The following ATF7IP2 variants were observed in gnomAD, a reference collection of about 807,000 sequenced individuals.
The protein encoded by ATF7IP2 is activating transcription factor 7 interacting protein 2.
Under a neutral mutation model 64.2 loss-of-function variants are expected in ATF7IP2, and 42 were observed. The ratio of observed to expected loss-of-function variants is 0.65; its 90% CI spans 0.51 to 0.85. The LOEUF (loss-of-function observed/expected upper bound fraction) is 0.85, where lower values mean the gene tolerates loss of function less well. ATF7IP2 is among the 40% of genes least tolerant of loss of function. ATF7IP2 has a pLI of 0.00. For synonymous variants in ATF7IP2, 308 were observed against 272.8 expected (o/e 1.13, Z -1.27); for missense variants, 933 against 784.2 (o/e 1.19, Z -2.27).
chr16:10,410,352 GTTTTGT>G (rs529353000), intron 1 of ATF7IP2, among the ~76,000 whole-genome samples: 3 of 129,876 alleles, frequency 2.3e-5, no homozygotes, highest in Non-Finnish European at 5.0e-5. Context: ...GTTTTGTTTT[GTTTTGT>G]TTTTGTTTTT....
At chr16:10,442,408 A>T (rs774193455) in intron 8 of ATF7IP2, among the ~76,000 whole-genome samples, 1 of 152,198 alleles carries the variant, frequency 6.6e-6, no homozygotes, top group Non-Finnish European at 1.5e-5. Flanking sequence ...AAATGAGGAA[A>T]GTTTTAGTAG....
chr16:10,437,022 ATT>A (rs71402484), intron 6 of ATF7IP2, among the ~76,000 whole-genome samples: 6 of 141,036 alleles, frequency 4.3e-5, no homozygotes, highest in Non-Finnish European at 7.8e-5. Flanking sequence ...TATTTTTCCC[ATT>A]TTTTTTTTTT....
chr16:10,419,237 G>A (rs1434992948), intron 2 of ATF7IP2, among the ~76,000 whole-genome samples: 1 of 152,200 alleles, frequency 6.6e-6, no homozygotes, highest in African/African-American at 2.4e-5. Flanking sequence ...TGCCAGCCAA[G>A]ATTGATAGTG....
At chr16:10,406,623 C>T (rs977918708) in intron 1 of ATF7IP2, among the ~76,000 whole-genome samples, 7 of 152,088 alleles carry the variant, frequency 4.6e-5, no homozygotes, top group African/African-American at 1.7e-4. Context: ...TTTGTGGCTA[C>T]TATGAGCAAC....
In ATF7IP2 at chr16:10,432,959, T is replaced by G. The variant is rs536878036; in HGVS notation, c.836-566T>G. On this transcript the variant is annotated intron_variant, in intron 5 of 13. Transcript: ENST00000562102. ...TAAATAGAGAATTAAATGCCATAAT[T>G]TGTTAAGTTTTTGTTCGTATATGTG... 3.9e-5 allele frequency among the ~76,000 whole-genome samples: 6 copies of G among 152,156 alleles called. No homozygotes were observed. The East Asian group carries it at 1.2e-3, about 29-fold the overall frequency.
At chr16:10,438,313 T>TGATCCC in intron 7 of ATF7IP2, 78 bp downstream of exon 7, 1 of 1,402,648 alleles carries the variant, frequency 7.1e-7, no homozygotes, top group Non-Finnish European at 9.5e-7. Context: ...TGCAGTACGG[T>TGATCCC]GGCTCACTGC....
At chr16:10,478,824 T>G (rs987248091) in intron 12 of ATF7IP2, among the ~76,000 whole-genome samples, 1 of 151,808 alleles carries the variant, frequency 6.6e-6, no homozygotes, top group Non-Finnish European at 1.5e-5. Context: ...AACAACCCCA[T>G]CAAAAAGTAG....
intron 8 of ATF7IP2, among the ~76,000 whole-genome samples, chr16:10,453,352 A>G (rs2049052341): frequency 6.6e-6 from 1 of 151,914 alleles, no homozygotes; most frequent in Non-Finnish European, 1.5e-5. Context: ...GAATTCCTTG[A>G]CCCGTTGTGC....
intron 8 of ATF7IP2, among the ~76,000 whole-genome samples, chr16:10,453,718 A>C (rs1257730653): frequency 6.6e-6 from 1 of 152,178 alleles, no homozygotes; most frequent in African/African-American, 2.4e-5. Flanking sequence ...CCTGGGTTCA[A>C]GCAATTCTCC....
intron 9 of ATF7IP2, among the ~76,000 whole-genome samples, chr16:10,467,324 T>C (rs2049612276): frequency 6.6e-6 from 1 of 152,130 alleles, no homozygotes; most frequent in East Asian, 1.9e-4. Context: ...TACTCTCAAA[T>C]AGCAATAATT....
chr16:10,481,955 G>T lies in ATF7IP2; in HGVS notation c.1755G>T (p.Arg585=). The T allele has an allele frequency of 6.2e-7, 1 of 1,614,078 alleles. No homozygotes were observed. The highest frequency in any genetic ancestry group is 8.5e-7 in the Non-Finnish European group (1 of 1,179,998). Residue 585 remains arginine, a synonymous_variant, in exon 14 of 14, where the codon CGG becomes CGT. Transcript: ENST00000562102. ...AGAAGCCTGAGCTCAAAGTGAAACGGGTTTTCAGACCCAATGGCATTGCCC... is the reference window on the plus strand; with the variant it reads ...AGAAGCCTGAGCTCAAAGTGAAACGTGTTTTCAGACCCAATGGCATTGCCC... ...PPQKPELKVK[R]VFRPNGIALT...
chr16:10,392,056 C>CTTTT (rs369793123), intron 1 of ATF7IP2, among the ~76,000 whole-genome samples: 10 of 126,104 alleles, frequency 7.9e-5, no homozygotes, highest in African/African-American at 2.7e-4. Flanking sequence ...GTTGTATTAT[C>CTTTT]TTTTTTTTTT....
At chr16:10,414,983 C>CA (rs1035717198) in intron 2 of ATF7IP2, among the ~76,000 whole-genome samples, 19 of 151,836 alleles carry the variant, frequency 1.3e-4, no homozygotes, top group African/African-American at 3.9e-4. Context: ...GAAGAGGACA[C>CA]AAAAAAATTA....
intron 12 of ATF7IP2, among the ~76,000 whole-genome samples, chr16:10,474,408 C>T (rs997083032): frequency 6.6e-6 from 1 of 152,014 alleles, no homozygotes; most frequent in Non-Finnish European, 1.5e-5. Flanking sequence ...ATTCATAAAC[C>T]CATTGAAAGA....
At chr16:10,481,286 G>A (rs551432584) in intron 13 of ATF7IP2, among the ~76,000 whole-genome samples, 2 of 152,190 alleles carry the variant, frequency 1.3e-5, no homozygotes, top group East Asian at 1.9e-4. Flanking sequence ...GCTATAGTGC[G>A]GTGGCATGAT....
chr16:10,429,550 C>G, intron 4 of ATF7IP2, among the ~76,000 whole-genome samples: 1 of 151,944 alleles, frequency 6.6e-6, no homozygotes, highest in Non-Finnish European at 1.5e-5. Context: ...GCGTTTTGCC[C>G]TGTTGGCCAG....
At chr16:10,429,100 C>G (rs1443758447) in intron 4 of ATF7IP2, 84 bp downstream of exon 4, 1 of 152,150 alleles carries the variant, frequency 6.6e-6, no homozygotes, top group East Asian at 1.9e-4. Context: ...GTAGCAGTGT[C>G]TTCAGGCAAA....
At chr16:10,387,744 G>C (rs1249499778) in intron 1 of ATF7IP2, 1 of 151,968 alleles carries the variant, frequency 6.6e-6, no homozygotes, top group East Asian at 1.9e-4. Context: ...ATGCGCAAGA[G>C]TATTAGTTCT....
At chr16:10,462,650 G>A (rs1038944846) in intron 9 of ATF7IP2, among the ~76,000 whole-genome samples, 64 of 152,126 alleles carry the variant, frequency 4.2e-4, no homozygotes, top group African/African-American at 1.5e-3. Context: ...ACTATAAGAT[G>A]TTAGGTGGTG....
Sources: gnomAD v4.1 joint callset for allele counts (sites outside exome capture counted in the v4.1 genomes callset) on GRCh38, gnomAD v4.1.1 for gene constraint, MANE v1.5 for transcripts, NCBI Gene and HGNC (gene_info 2026-07-23, HGNC 2026-07-21) for gene names.